The following CDH4 variants were observed in gnomAD, a reference collection of about 807,000 sequenced individuals.
CDH4 encodes cadherin-4.
In CDH4, 33 loss-of-function variants were observed where a neutral mutation model predicts 86.0. The observed-to-expected ratio is 0.38, with a 90% CI of 0.29 to 0.51. The LOEUF is 0.51. Among genes scored for constraint, CDH4 ranks in the 20% least tolerant of loss-of-function variants. The pLI is 0.86. For missense variants in CDH4, 1,114 were observed against 1,307.4 expected, an observed-to-expected ratio of 0.85 and a Z score of 2.28; for synonymous variants, 555 against 549.4, an observed-to-expected ratio of 1.01 and a Z score of -0.14.
chr20:61,333,224 C>T (rs1288993065), intron 2 of CDH4, among the ~76,000 whole-genome samples: 4 of 151,870 alleles, frequency 2.6e-5, no homozygotes, highest in African/African-American at 4.8e-5. Context: ...CGTGCAGACA[C>T]GCATGCACAC....
chr20:61,520,744 C>T (rs1465885851), intron 2 of CDH4, among the ~76,000 whole-genome samples: 2 of 152,292 alleles, frequency 1.3e-5, no homozygotes, highest in Non-Finnish European at 2.9e-5. Flanking sequence ...TTCCAGGCCC[C>T]GGATCCTGAA....
chr20:61,683,484 G>A (rs967849738), intron 2 of CDH4, among the ~76,000 whole-genome samples: 4 of 152,166 alleles, frequency 2.6e-5, no homozygotes, highest in Non-Finnish European at 5.9e-5. Context: ...CCGTGGGCAG[G>A]TGCCCCGGGA....
intron 2 of CDH4, among the ~76,000 whole-genome samples, chr20:61,469,450 C>G (rs1042212522): frequency 6.6e-5 from 10 of 152,134 alleles, no homozygotes; most frequent in Admixed American, 5.9e-4. Flanking sequence ...TTTATATATT[C>G]TGGTTACTAA....
In CDH4 at chr20:61,932,755, C is replaced by T. The variant is rs542853095; in HGVS notation, c.2240-230C>T. ...GACATGCATGAAGCACCTACATCCA[C>T]GAATGCACACGCACGTGGGCCGCAC... On this transcript the variant is annotated intron_variant, in intron 13 of 15. Coordinates refer to ENST00000614565, the MANE Select transcript of CDH4 (RefSeq NM_001794.5). Among the ~76,000 whole-genome samples the T allele has an allele frequency of 2.4e-4, 36 of 152,362 alleles. No homozygotes were observed. In the South Asian group the frequency reaches 4.6e-3, roughly 19 times the overall value.
At chr20:61,369,450 C>CAAAAA (rs144885482) in intron 2 of CDH4, among the ~76,000 whole-genome samples, 2 of 56,620 alleles carry the variant, frequency 3.5e-5, no homozygotes, top group Non-Finnish European at 6.0e-5. Context: ...GACTCTGTCT[C>CAAAAA]AAAAAAAAAA....
chr20:61,895,176 G>T (rs1464260337), intron 8 of CDH4, 129 bp downstream of exon 8: 9 of 1,125,394 alleles, frequency 8.0e-6, no homozygotes, highest in African/African-American at 1.6e-5. Flanking sequence ...TGTAAGAAAG[G>T]CCCTGGGCAG....
intron 9 of CDH4, among the ~76,000 whole-genome samples, chr20:61,912,285 C>T (rs2054859345): frequency 6.6e-6 from 1 of 152,128 alleles, no homozygotes; most frequent in South Asian, 2.1e-4. Context: ...CCAAACTTCT[C>T]CTAAGGAAGA....
At chr20:61,601,961 C>T (rs578223343) in intron 2 of CDH4, among the ~76,000 whole-genome samples, 17 of 152,306 alleles carry the variant, frequency 1.1e-4, no homozygotes, top group African/African-American at 2.9e-4. Flanking sequence ...GGCAGGACAC[C>T]GTCTGCCCTG....
intron 2 of CDH4, among the ~76,000 whole-genome samples, chr20:61,376,402 G>C (rs2084872702): frequency 6.6e-6 from 1 of 152,158 alleles, no homozygotes; most frequent in Non-Finnish European, 1.5e-5. Flanking sequence ...GAGAAAGCCA[G>C]GCTCTGGCCA....
intron 2 of CDH4, among the ~76,000 whole-genome samples, chr20:61,379,587 C>T (rs1210666958): frequency 6.6e-6 from 1 of 152,152 alleles, no homozygotes; most frequent in Non-Finnish European, 1.5e-5. Flanking sequence ...AATCCTCTGC[C>T]TCACCCCTAT....
rs562660701 is a variant in CDH4 at position 61,496,670 on chromosome 20, C to T, written c.169+241733C>T. Reference sequence around the variant, plus strand: ...TTGACAAATGCTTACATTTGGGTGACCAAGACTCCAATCAAGATGCAGAAC... The same window carrying T: ...TTGACAAATGCTTACATTTGGGTGATCAAGACTCCAATCAAGATGCAGAAC... On this transcript the variant is annotated intron_variant, in intron 2 of 15. Transcript: ENST00000614565. Among the ~76,000 whole-genome samples, 8 of 152,318 alleles carry T rather than the reference C, an allele frequency of 5.3e-5. No individual in the cohort carries two copies. The East Asian group carries it at 1.5e-3, about 29-fold the overall frequency.
At chr20:61,323,571 G>A (rs1485127280) in intron 2 of CDH4, among the ~76,000 whole-genome samples, 4 of 152,120 alleles carry the variant, frequency 2.6e-5, no homozygotes, top group African/African-American at 4.8e-5. Flanking sequence ...GTCATGTTAC[G>A]CGGGCCTGCA....
chr20:61,376,687 C>T lies in CDH4; in HGVS notation c.169+121750C>T, dbSNP rs190806990. Among the ~76,000 whole-genome samples, 4 of 152,330 alleles carry T rather than the reference C, an allele frequency of 2.6e-5. No individual in the cohort carries two copies. The East Asian group carries it at 7.7e-4, about 29-fold the overall frequency. On this transcript the variant is annotated intron_variant, in intron 2 of 15. Coordinates refer to ENST00000614565, the MANE Select transcript of CDH4 (RefSeq NM_001794.5). ...GTTGGAGTGGTTCCCTCCTGTGGATCCTTCTGTGTGGCTGCTCCCGTTTTT... is the reference window on the plus strand; with the variant it reads ...GTTGGAGTGGTTCCCTCCTGTGGATTCTTCTGTGTGGCTGCTCCCGTTTTT...
At chr20:61,306,222 G>T (rs1424114938) in intron 2 of CDH4, among the ~76,000 whole-genome samples, 3 of 152,204 alleles carry the variant, frequency 2.0e-5, no homozygotes, top group Non-Finnish European at 4.4e-5. Flanking sequence ...CTGGACTCAA[G>T]AAATTACCTC....
At chr20:61,519,959 C>T (rs1178061504) in intron 2 of CDH4, among the ~76,000 whole-genome samples, 1 of 152,216 alleles carries the variant, frequency 6.6e-6, no homozygotes, top group African/African-American at 2.4e-5. Flanking sequence ...CACATGGGCC[C>T]TGTTCCCCGA....
chr20:61,312,215 G>GGT (rs1321486405), intron 2 of CDH4, among the ~76,000 whole-genome samples: 9 of 150,010 alleles, frequency 6.0e-5, no homozygotes, highest in Non-Finnish European at 1.0e-4. Context: ...GCATATGTGC[G>GGT]GTGTGTGTGT....
chr20:61,424,973 G>A (rs2145507731), intron 2 of CDH4, among the ~76,000 whole-genome samples: 1 of 152,348 alleles, frequency 6.6e-6, no homozygotes, highest in African/African-American at 2.4e-5. Flanking sequence ...GTGCAGCTTT[G>A]TGGGCCTCAC....
chr20:61,401,878 G>A (rs893209408), intron 2 of CDH4, among the ~76,000 whole-genome samples: 13 of 152,204 alleles, frequency 8.5e-5, no homozygotes, highest in African/African-American at 3.1e-4. Flanking sequence ...AGGGAGCCCA[G>A]GGGACAGAGG....
chr20:61,258,346 GAAAA>G lies in CDH4; in HGVS notation c.169+3418_169+3421del, dbSNP rs1234257125. Reference sequence around the variant, plus strand: ...CTCCGTCTCAAAAAAAAAAAAAAAAGAAAAAAAAAAAAGAAAGAGGAGCATGTTT... The same window carrying G: ...CTCCGTCTCAAAAAAAAAAAAAAAAGAAAAAAAAGAAAGAGGAGCATGTTT... On this transcript the variant is annotated intron_variant, in intron 2 of 15. Transcript: ENST00000614565. 3.1e-3 allele frequency among the ~76,000 whole-genome samples: 132 copies of G among 42,794 alleles called. 2 individuals are homozygous for G. The highest frequency in any genetic ancestry group is 0.01 in the African/African-American group (128 of 12,376). The allele number at this position is 42,794 out of a possible 152,430, so 28.1% of individuals were successfully genotyped here.
Sources: allele counts gnomAD v4.1 joint callset (sites outside exome capture counted in the v4.1 genomes callset), GRCh38; gene constraint gnomAD v4.1.1; transcripts MANE v1.5; gene names NCBI Gene and HGNC (gene_info 2026-07-23, HGNC 2026-07-21).